The following KIAA0513 variants were observed in gnomAD, a reference collection of about 807,000 sequenced individuals.
KIAA0513 encodes KIAA0513, also known as uncharacterized protein KIAA0513.
In KIAA0513, 39 loss-of-function variants were observed where a neutral mutation model predicts 56.5. That is an observed-to-expected ratio of 0.69 (90% CI 0.53 to 0.90). The LOEUF (loss-of-function observed/expected upper bound fraction) is 0.90. Among genes scored for constraint, KIAA0513 ranks in the 40% least tolerant of loss-of-function variants. The probability of loss-of-function intolerance (pLI) is 0.00; values close to 1 mark genes in which losing one functional copy is unlikely to be tolerated. For synonymous variants in KIAA0513, 268 were observed against 215.6 expected (o/e 1.24, Z -2.13); for missense variants, 591 against 535.2 (o/e 1.10, Z -1.03).
At chr16:85,069,336 G>C (rs938163158) in intron 2 of KIAA0513, among the ~76,000 whole-genome samples, 1 of 151,758 alleles carries the variant, frequency 6.6e-6, no homozygotes, top group South Asian at 2.1e-4. Context: ...ACGACTCCCC[G>C]AAGTGCTGGG....
At position 85,067,293 on chromosome 16, in the gene KIAA0513, C is replaced by T. The variant is rs1167455496; in HGVS notation, c.222C>T (p.Ser74=). 6.2e-6 allele frequency: 10 copies of T among 1,613,722 alleles called. No homozygotes were observed. The highest frequency in any genetic ancestry group is 8.5e-6 in the Non-Finnish European group (10 of 1,180,032). ...PSWDQDRRSS[S]NESFSSNQST... ...GGGACCAAGACCGCCGTTCCTCCTCCAACGAGTCCTTCTCCTCCAACCAGA... is the reference window on the plus strand; with the variant it reads ...GGGACCAAGACCGCCGTTCCTCCTCTAACGAGTCCTTCTCCTCCAACCAGA... The change falls in exon 2 of 13, where the codon TCC becomes TCT. Residue 74 remains serine, a synonymous_variant. Transcript: ENST00000683363.
intron 1 of KIAA0513, among the ~76,000 whole-genome samples, chr16:85,057,396 G>T (rs2073344836): frequency 6.6e-6 from 1 of 152,226 alleles, no homozygotes; most frequent in African/African-American, 2.4e-5. Context: ...GCGACGGGAG[G>T]AGGTGTGTGG....
chr16:85,050,711 G>A (rs1272103091), intron 1 of KIAA0513, among the ~76,000 whole-genome samples: 5 of 152,158 alleles, frequency 3.3e-5, no homozygotes, highest in Admixed American at 2.0e-4. Context: ...GGTAGAGTTG[G>A]GTTTGTTGTG....
chr16:85,059,071 G>A (rs955360944), intron 1 of KIAA0513, among the ~76,000 whole-genome samples: 1 of 152,156 alleles, frequency 6.6e-6, no homozygotes, highest in African/African-American at 2.4e-5. Context: ...CATCTAAAAG[G>A]ACATTGAAAT....
intron 4 of KIAA0513, 26 bp from the exon 5 acceptor site, chr16:85,075,818 G>T (rs745723568): frequency 4.3e-6 from 7 of 1,612,994 alleles, no homozygotes; most frequent in Non-Finnish European, 5.9e-6. Flanking sequence ...GCGATCTTTA[G>T]CCATGAGCCT....
chr16:85,086,820 C>A, intron 11 of KIAA0513, 96 bp downstream of exon 11: 1 of 1,154,812 alleles, frequency 8.7e-7, no homozygotes, highest in Non-Finnish European at 1.2e-6. Context: ...GTGATGTCAG[C>A]CTGCTCTGAG....
chr16:85,051,941 A>G (rs911681709), intron 1 of KIAA0513, among the ~76,000 whole-genome samples: 11 of 151,246 alleles, frequency 7.3e-5, no homozygotes, highest in African/African-American at 2.7e-4. Context: ...GGCATAAGCC[A>G]TTGTGCCTGG....
chr16:85,080,502 A>C (rs1387521021), intron 8 of KIAA0513, among the ~76,000 whole-genome samples: 1 of 152,224 alleles, frequency 6.6e-6, no homozygotes, highest in Non-Finnish European at 1.5e-5. Flanking sequence ...TTCTTTAAGA[A>C]GAATTTTTCT....
intron 1 of KIAA0513, among the ~76,000 whole-genome samples, chr16:85,041,745 G>T (rs1276761275): frequency 6.6e-6 from 1 of 152,186 alleles, no homozygotes; most frequent in African/African-American, 2.4e-5. Flanking sequence ...AAGCCACCCG[G>T]GGAAGGAGGG....
Position 85,069,076 on chromosome 16 carries a change from G to T in KIAA0513, c.329+1676G>T, listed in dbSNP as rs552455018. Reference sequence around the variant, plus strand: ...GACAGGGTCTTACTCTGTTGCCCAGGCTGGAGTGCAGCGACACAATCACAG... The same window carrying T: ...GACAGGGTCTTACTCTGTTGCCCAGTCTGGAGTGCAGCGACACAATCACAG... On this transcript the variant is annotated intron_variant, in intron 2 of 12. Coordinates refer to ENST00000683363, the MANE Select transcript of KIAA0513 (RefSeq NM_001388359.1). 9.9e-5 allele frequency among the ~76,000 whole-genome samples: 15 copies of T among 152,190 alleles called. No individual in the cohort carries two copies. In the South Asian group the frequency reaches 3.1e-3, roughly 32 times the overall value.
intron 1 of KIAA0513, among the ~76,000 whole-genome samples, chr16:85,042,455 C>T (rs1246944609): frequency 7.2e-5 from 11 of 152,094 alleles, no homozygotes; most frequent in African/African-American, 2.7e-4. Flanking sequence ...TGTCCATACC[C>T]GCAATATTGT....
chr16:85,054,102 G>A (rs1238618960), intron 1 of KIAA0513, among the ~76,000 whole-genome samples: 1 of 152,102 alleles, frequency 6.6e-6, no homozygotes, highest in East Asian at 1.9e-4. Context: ...GGAGGTTGCA[G>A]TGAGCTGTGA....
In KIAA0513 at chr16:85,033,148, A is replaced by G. The variant is rs150330422; in HGVS notation, c.-173+5290A>G. Among the ~76,000 whole-genome samples, 832 of 152,266 alleles carry G rather than the reference A, an allele frequency of 5.5e-3. 10 individuals are homozygous for G. Among genetic ancestry groups the G allele is most frequent in the African/African-American group, 0.019 (804 of 41,536 alleles). On this transcript the variant is annotated intron_variant, in intron 1 of 12. Coordinates refer to ENST00000683363, the MANE Select transcript of KIAA0513 (RefSeq NM_001388359.1). ...GACGTTTTTACGAGAAGCATTCATG[A>G]TCCTTATGATTTGCGAGACAAGTAC...
At chr16:85,071,935 G>C (rs971658896) in intron 3 of KIAA0513, 53 bp downstream of exon 3, 9 of 1,215,604 alleles carry the variant, frequency 7.4e-6, no homozygotes, top group Non-Finnish European at 1.1e-5. Flanking sequence ...GAAGAATCTA[G>C]TGAAGCATAA....
At chr16:85,087,295 C>T in intron 12 of KIAA0513, 129 bp downstream of exon 12, 1 of 720,808 alleles carries the variant, frequency 1.4e-6, no homozygotes, top group Non-Finnish European at 2.4e-6. Context: ...GTGCTGAGCT[C>T]TCGGCAGACG....
At position 85,031,924 on chromosome 16, in the gene KIAA0513, C is replaced by T. The variant is rs1022550103; in HGVS notation, c.-173+4066C>T. Among the ~76,000 whole-genome samples, 8 of 152,254 alleles carry T rather than the reference C, an allele frequency of 5.3e-5. No homozygotes were observed. In the East Asian group the frequency reaches 7.7e-4, roughly 15 times the overall value. On this transcript the variant is annotated intron_variant, in intron 1 of 12. Coordinates refer to ENST00000683363, the MANE Select transcript of KIAA0513 (RefSeq NM_001388359.1). ...AGACGGTGAAACCTAGCCTGGCTAGCGGACCACTGGGCAAGAGAATTCAGG... is the reference window on the plus strand; with the variant it reads ...AGACGGTGAAACCTAGCCTGGCTAGTGGACCACTGGGCAAGAGAATTCAGG...
At chr16:85,060,064 G>C (rs2073382139) in intron 1 of KIAA0513, among the ~76,000 whole-genome samples, 1 of 152,184 alleles carries the variant, frequency 6.6e-6, no homozygotes, top group Admixed American at 6.5e-5. Flanking sequence ...GGGCTCAAGC[G>C]ATCCTCATGC....
chr16:85,034,006 C>T (rs763987977), intron 1 of KIAA0513, among the ~76,000 whole-genome samples: 22 of 152,056 alleles, frequency 1.4e-4, no homozygotes, highest in Non-Finnish European at 3.2e-4. Context: ...GCCATGCTCG[C>T]CATCCCTCCC....
Position 85,094,063 on chromosome 16 carries a change from C to G in KIAA0513, c.*5738C>G, listed in dbSNP as rs953526069. The G allele has an allele frequency of 6.6e-6, 1 of 152,096 alleles. No individual in the cohort carries two copies. The highest frequency in any genetic ancestry group is 1.5e-5 in the Non-Finnish European group (1 of 68,018). 9.4% of individuals were successfully genotyped at this position (152,096 alleles called of 1,614,324 possible). On this transcript the variant is annotated 3_prime_UTR_variant, in exon 13 of 13. Transcript: ENST00000683363. ...CATTTTTGCAATCTTGTGTCCCGCT[C>G]GGTGATGTTCTACAAACTCTGTTTT...
Sources: gnomAD v4.1 joint callset for allele counts (sites outside exome capture counted in the v4.1 genomes callset) on GRCh38, gnomAD v4.1.1 for gene constraint, MANE v1.5 for transcripts, NCBI Gene and HGNC (gene_info 2026-07-23, HGNC 2026-07-21) for gene names.